Variants in RAD51C observed in about 807,000 individuals in gnomAD.
The protein encoded by RAD51C is DNA repair protein RAD51 homolog 3.
Under a neutral mutation model 45.0 loss-of-function variants are expected in RAD51C, and 42 were observed. That is an observed-to-expected ratio of 0.93 (90% CI 0.73 to 1.21). RAD51C has a LOEUF of 1.21. RAD51C is among the 50% of genes most tolerant of loss of function. The pLI is 0.00. For synonymous variants in RAD51C, 172 were observed against 159.8 expected (o/e 1.08, Z -0.58); for missense variants, 474 against 452.2 (o/e 1.05, Z -0.44).
At chr17:58,693,583 CAG>C (rs1222946841) in intron 1 of RAD51C, 1 of 152,190 alleles carries the variant, frequency 6.6e-6, no homozygotes, top group Non-Finnish European at 1.5e-5. Context: ...ATACCGCGCG[CAG>C]ACTGTGTCCC....
chr17:58,723,943 A>G (rs2049015351), intron 6 of RAD51C, 97 bp from the exon 7 acceptor site: 1 of 1,123,656 alleles, frequency 8.9e-7, no homozygotes, highest in Non-Finnish European at 1.3e-6. Context: ...GTTATGTTAA[A>G]TTAATAAAGT....
Position 58,695,290 on chromosome 17 carries a change from T to C in RAD51C, c.404+101T>C, listed in dbSNP as rs1426028197. ...GAAACCAAATAAGATATATATGTGC[T>C]CTTAATTTTAAGTGTGTATGTGCAT... On this transcript the variant is annotated intron_variant, in intron 2 of 8. Coordinates refer to ENST00000337432, the MANE Select transcript of RAD51C (RefSeq NM_058216.3). 5.4e-6 allele frequency: 8 copies of C among 1,467,930 alleles called. No homozygotes were observed. The South Asian group carries it at 1.1e-4, about 21-fold the overall frequency. The allele number at this position is 1,467,930 out of a possible 1,614,324, so 90.9% of individuals were successfully genotyped here.
At chr17:58,713,761 T>G (rs1041248783) in intron 5 of RAD51C, among the ~76,000 whole-genome samples, 7 of 152,146 alleles carry the variant, frequency 4.6e-5, no homozygotes, top group African/African-American at 1.7e-4. Context: ...TGAGCCAAGA[T>G]CACACTGTTG....
intron 3 of RAD51C, among the ~76,000 whole-genome samples, chr17:58,702,855 C>G (rs1159314844): frequency 6.6e-6 from 1 of 151,998 alleles, no homozygotes; most frequent in African/African-American, 2.4e-5. Flanking sequence ...AGAGTGAGAC[C>G]TTATCTCTAA....
intron 1 of RAD51C, chr17:58,693,707 G>C (rs2047886241): frequency 6.6e-6 from 1 of 152,188 alleles, no homozygotes; most frequent in Middle Eastern, 3.4e-3. Flanking sequence ...AGATGGTCTT[G>C]ATATTCTACC....
At chr17:58,702,882 A>G (rs902000891) in intron 3 of RAD51C, among the ~76,000 whole-genome samples, 1 of 152,068 alleles carries the variant, frequency 6.6e-6, no homozygotes, top group East Asian at 1.9e-4. Flanking sequence ...TAAGAGAGAC[A>G]TCAGGTGGGG....
At chr17:58,695,495 T>A in intron 2 of RAD51C, 1 of 425,104 alleles carries the variant, frequency 2.4e-6, no homozygotes, top group Non-Finnish European at 3.1e-6. Context: ...TGTTTGAAAG[T>A]AGATTTATGG....
At chr17:58,694,392 T>C (rs1346107276) in intron 1 of RAD51C, 1 of 158,952 alleles carries the variant, frequency 6.3e-6, no homozygotes, top group Non-Finnish European at 1.4e-5. Context: ...TTGTAGGTAC[T>C]CAGAAATGCT....
At chr17:58,718,049 C>T (rs531860860) in intron 5 of RAD51C, among the ~76,000 whole-genome samples, 4 of 151,982 alleles carry the variant, frequency 2.6e-5, no homozygotes, top group African/African-American at 9.6e-5. Flanking sequence ...CAGGCTGGAG[C>T]GCAATGGTGC....
intron 4 of RAD51C, 73 bp downstream of exon 4, chr17:58,703,402 C>T (rs372386600): frequency 6.6e-7 from 1 of 1,503,908 alleles, no homozygotes; most frequent in Non-Finnish European, 9.2e-7. Flanking sequence ...AAAAAATAAC[C>T]AGTACAGTAG....
intron 5 of RAD51C, among the ~76,000 whole-genome samples, chr17:58,713,963 C>A (rs1380332422): frequency 2.0e-5 from 3 of 151,818 alleles, no homozygotes; most frequent in Non-Finnish European, 4.4e-5. Context: ...TTTTAACCAC[C>A]TCCTTATTGA....
At chr17:58,717,024 G>A (rs1361502833) in intron 5 of RAD51C, among the ~76,000 whole-genome samples, 5 of 151,818 alleles carry the variant, frequency 3.3e-5, no homozygotes, top group African/African-American at 1.2e-4. Flanking sequence ...GGATGGTCTC[G>A]CTCTGACCTC....
At chr17:58,703,933 CTTT>C (rs67254535) in intron 4 of RAD51C, among the ~76,000 whole-genome samples, 1 of 66,480 alleles carries the variant, frequency 1.5e-5, no homozygotes, top group Non-Finnish European at 3.1e-5. Flanking sequence ...CATGTATCAC[CTTT>C]TTTTTTTTTT....
chr17:58,709,773 C>G (rs2143848155), intron 4 of RAD51C, 86 bp from the exon 5 acceptor site: 2 of 1,259,622 alleles, frequency 1.6e-6, no homozygotes, highest in Non-Finnish European at 2.3e-6. Context: ...GAGAGAAGGT[C>G]CCTGCTCTCT....
At chr17:58,699,569 AT>A (rs2048141105) in intron 3 of RAD51C, among the ~76,000 whole-genome samples, 1 of 152,096 alleles carries the variant, frequency 6.6e-6, no homozygotes, top group Non-Finnish European at 1.5e-5. Context: ...CATAAGGATT[AT>A]TTTGAGCTGA....
chr17:58,718,288 G>A (rs561084271), intron 5 of RAD51C, among the ~76,000 whole-genome samples: 5 of 152,172 alleles, frequency 3.3e-5, no homozygotes, highest in Non-Finnish European at 4.4e-5. Context: ...ATGAGCCACC[G>A]CGCCTGGGCT....
chr17:58,705,807 G>GCCCCTTGCCCCCCTAC (rs2143824623), intron 4 of RAD51C: 1 of 139,086 alleles, frequency 7.2e-6, no homozygotes, highest in East Asian at 2.1e-4. Context: ...TTTGCCCCTG[G>GCCCCTTGCCCCCCTAC]CCCCTTGCCC....
At chr17:58,733,665 G>A (rs994372699) in intron 8 of RAD51C, among the ~76,000 whole-genome samples, 8 of 152,266 alleles carry the variant, frequency 5.3e-5, no homozygotes, top group African/African-American at 1.2e-4. Flanking sequence ...GCTTTGGCAC[G>A]TATCCATGAG....
Position 58,724,074 on chromosome 17 carries a change from A to G in RAD51C, c.939A>G (p.Leu313=), listed in dbSNP as rs786201953. ...GGGGACATGCTGCTACAATACGGCT[A>G]ATCTTTCATTGGGACCGAAAGCAAA... ...ESWGHAATIR[L]IFHWDRKQRL... Residue 313 remains leucine (L), a synonymous_variant, in exon 7 of 9, where the codon CTA becomes CTG. Transcript: ENST00000337432. The G allele has an allele frequency of 1.2e-6, 2 of 1,613,378 alleles. No homozygotes were observed. Among genetic ancestry groups the G allele is most frequent in the Non-Finnish European group, 1.7e-6 (2 of 1,179,332 alleles).
Sources: allele counts gnomAD v4.1 joint callset (sites outside exome capture counted in the v4.1 genomes callset), GRCh38; gene constraint gnomAD v4.1.1; transcripts MANE v1.5; gene names NCBI Gene and HGNC (gene_info 2026-07-23, HGNC 2026-07-21).